F13A1: variants seen among roughly 807,000 people sequenced by gnomAD.
F13A1 encodes coagulation factor XIII A chain.
F13A1 carries 47 observed loss-of-function variants against 80.1 expected under a neutral mutation model. The ratio of observed to expected loss-of-function variants is 0.59; its 90% confidence interval spans 0.46 to 0.75. The LOEUF (loss-of-function observed/expected upper bound fraction) is 0.75, where lower values mean the gene tolerates loss of function less well. Among genes scored for constraint, F13A1 ranks in the 30% least tolerant of loss-of-function variants. The pLI is 0.00. For missense variants in F13A1, 817 were observed against 930.4 expected (o/e 0.88, Z 1.59); for synonymous variants, 349 against 344.9 (o/e 1.01, Z -0.13).
chr6:6,274,719 G>A (rs929461750), intron 3 of F13A1, among the ~76,000 whole-genome samples: 5 of 152,212 alleles, frequency 3.3e-5, no homozygotes, highest in Non-Finnish European at 5.9e-5. Flanking sequence ...TACTGGTCAC[G>A]AGGAACACAG....
intron 10 of F13A1, among the ~76,000 whole-genome samples, chr6:6,182,663 C>T (rs560767370): frequency 6.6e-6 from 1 of 152,310 alleles, no homozygotes; most frequent in South Asian, 2.1e-4. Context: ...ATGCTTGAAG[C>T]TGCTGTGGCC....
At chr6:6,290,316 C>T (rs972830939) in intron 3 of F13A1, among the ~76,000 whole-genome samples, 1 of 152,162 alleles carries the variant, frequency 6.6e-6, no homozygotes, top group African/African-American at 2.4e-5. Context: ...GTTATCACAA[C>T]ACATAGACTA....
intron 8 of F13A1, among the ~76,000 whole-genome samples, chr6:6,202,544 TC>T (rs1466206219): frequency 1.3e-5 from 2 of 152,254 alleles, no homozygotes. Flanking sequence ...TTTTTTATGT[TC>T]TCGGAGCCTT....
intron 6 of F13A1, among the ~76,000 whole-genome samples, chr6:6,237,302 G>C (rs1186814146): frequency 6.6e-6 from 1 of 152,052 alleles, no homozygotes; most frequent in East Asian, 1.9e-4. Context: ...CCATGGGCAG[G>C]CATCCCAGAA....
chr6:6,152,585 G>A (rs1431219688), intron 13 of F13A1, among the ~76,000 whole-genome samples: 1 of 152,172 alleles, frequency 6.6e-6, no homozygotes, highest in East Asian at 1.9e-4. Context: ...GAACACCACA[G>A]GAGACAGCCA....
At position 6,264,741 on chromosome 6, in the gene F13A1, A is replaced by T. The variant is rs142984339; in HGVS notation, c.571+1817T>A. 8.6e-4 allele frequency among the ~76,000 whole-genome samples: 131 copies of T among 152,332 alleles called. 1 individual carries two copies. The East Asian group carries it at 0.014, about 17-fold the overall frequency. ...TCCTCTCAGTATTTTTCATCTCTGT[A>T]AATATCACCCCATCAACCAGTTGCA... On this transcript the variant is annotated intron_variant, in intron 4 of 14. Transcript: ENST00000264870.
chr6:6,241,977 T>C (rs73361821), intron 6 of F13A1, among the ~76,000 whole-genome samples: 8,647 of 152,298 alleles, frequency 0.057, 316 homozygotes, highest in Admixed American at 0.088. Flanking sequence ...CATGGTTTTA[T>C]AGTTAACCCC....
chr6:6,221,121 A>G (rs1270323211), intron 8 of F13A1, among the ~76,000 whole-genome samples: 4 of 152,240 alleles, frequency 2.6e-5, no homozygotes, highest in East Asian at 1.9e-4. Flanking sequence ...ACCTAGCTCA[A>G]TGCCTGACCA....
intron 3 of F13A1, among the ~76,000 whole-genome samples, chr6:6,290,268 C>G (rs536103614): frequency 4.5e-4 from 68 of 152,228 alleles, no homozygotes; most frequent in Admixed American, 5.2e-4. Flanking sequence ...AATGTTTGCA[C>G]AAAATCTTAA....
rs1434587257 is a variant in F13A1, at chr6:6,250,005, G to A, written c.690+806C>T. Among the ~76,000 whole-genome samples the A allele has an allele frequency of 6.6e-6, 1 of 152,156 alleles. No homozygotes were observed. The highest frequency in any genetic ancestry group is 6.5e-5 in the Admixed American group (1 of 15,282). The stretch of plus-strand genomic sequence containing the variant: ...AGGGAGATCCCATATGGAAGTCAAA[G>A]CAAGGCATCCGGAGCCAAGAAAGTA... On this transcript the variant is annotated intron_variant, in intron 5 of 14. Coordinates refer to ENST00000264870, the MANE Select transcript of F13A1 (RefSeq NM_000129.4). The surrounding 1 kb of genome is among the most constrained non-coding windows in gnomAD (Gnocchi z 4.2).
intron 12 of F13A1, among the ~76,000 whole-genome samples, chr6:6,169,043 A>C (rs1760726839): frequency 6.6e-6 from 1 of 152,192 alleles, no homozygotes; most frequent in South Asian, 2.1e-4. Flanking sequence ...GTTCTCAGTC[A>C]TGGCTCTATA....
intron 2 of F13A1, chr6:6,305,780 C>T: frequency 2.0e-6 from 1 of 507,896 alleles, no homozygotes; most frequent in South Asian, 2.1e-5. Flanking sequence ...GACCACAAGG[C>T]ACTCACTGTG....
intron 8 of F13A1, among the ~76,000 whole-genome samples, chr6:6,200,830 G>GAGAAA (rs1453709328): frequency 6.6e-6 from 1 of 152,144 alleles, no homozygotes; most frequent in Non-Finnish European, 1.5e-5. Context: ...ATGTGGATTA[G>GAGAAA]GGTGAAGGTG....
At chr6:6,228,731 CAAAAAAAAAAA>C (rs35068752) in intron 6 of F13A1, among the ~76,000 whole-genome samples, 3 of 72,670 alleles carry the variant, frequency 4.1e-5, no homozygotes, top group African/African-American at 1.5e-4. Context: ...GATCCTGTCT[CAAAAAAAAAAA>C]AAAAAAAAAA....
Position 6,162,800 on chromosome 6 carries a change from A to G in F13A1, c.1908+4658T>C, listed in dbSNP as rs1561639550. On this transcript the variant is annotated intron_variant, in intron 13 of 14. Transcript: ENST00000264870. The surrounding 1 kb of genome is among the most constrained non-coding windows in gnomAD (Gnocchi z 4.2). ...TGCAGAAGCCAACAGAGGTGAAATG[A>G]TCTGTCCAGGTTTACACAGTTATGA... Among the ~76,000 whole-genome samples, 2 of 152,214 alleles carry G rather than the reference A, an allele frequency of 1.3e-5. No homozygotes were observed. The highest frequency in any genetic ancestry group is 4.1e-4 in the South Asian group (2 of 4,836).
At chr6:6,225,014 T>C (rs1222092476) in intron 6 of F13A1, among the ~76,000 whole-genome samples, 154 bp from the exon 7 acceptor site, 2 of 152,114 alleles carry the variant, frequency 1.3e-5, no homozygotes, top group African/African-American at 4.8e-5. Flanking sequence ...ATTACATTGT[T>C]AGAAAAAAAA....
At chr6:6,311,401 A>G (rs1758590337) in intron 2 of F13A1, among the ~76,000 whole-genome samples, 4 of 152,024 alleles carry the variant, frequency 2.6e-5, no homozygotes, top group Non-Finnish European at 5.9e-5. Flanking sequence ...TAAGACCTCC[A>G]GATCAGCAGT....
In F13A1 at chr6:6,264,998, T is replaced by C. The variant is rs147464758; in HGVS notation, c.571+1560A>G. On this transcript the variant is annotated intron_variant, in intron 4 of 14. Coordinates refer to ENST00000264870, the MANE Select transcript of F13A1 (RefSeq NM_000129.4). ...AAGCCATGCTGGGCATGGTGGTTCA[T>C]GACTGTAATCCCAACACTTTGGGAG... 4.8e-3 allele frequency among the ~76,000 whole-genome samples: 736 copies of C among 152,304 alleles called. 6 individuals carry two copies. The highest frequency in any genetic ancestry group is 0.017 in the African/African-American group (698 of 41,556).
intron 3 of F13A1, among the ~76,000 whole-genome samples, chr6:6,281,993 C>CAAAA (rs10584369): frequency 5.4e-5 from 5 of 93,392 alleles, no homozygotes; most frequent in East Asian, 3.2e-4. Flanking sequence ...GACTCCGTCT[C>CAAAA]AAAAAAAAAA....
Sources: gnomAD v4.1 joint callset for allele counts (sites outside exome capture counted in the v4.1 genomes callset) on GRCh38, gnomAD v4.1.1 for gene constraint, Gnocchi (gnomAD v3.1) non-coding constraint, MANE v1.5 for transcripts, NCBI Gene and HGNC (gene_info 2026-07-23, HGNC 2026-07-21) for gene names.